The following DPP10 variants were observed in gnomAD, a reference collection of about 807,000 sequenced individuals.
DPP10 encodes the protein dipeptidyl peptidase like 10.
Under a neutral mutation model 120.9 loss-of-function variants are expected in DPP10, and 33 were observed. The ratio of observed to expected loss-of-function variants is 0.27; its 90% confidence interval spans 0.21 to 0.37. DPP10 has a LOEUF of 0.37. Among genes scored for constraint, DPP10 ranks in the 10% least tolerant of loss-of-function variants. DPP10 has a pLI of 1.00. For missense variants in DPP10, 816 were observed against 942.8 expected (o/e 0.87, Z 1.76); for synonymous variants, 337 against 326.1 (o/e 1.03, Z -0.36).
In DPP10 at chr2:114,609,927, T is replaced by A. The variant is rs373337865; in HGVS notation, c.60+167089T>A. 3.3e-5 allele frequency among the ~76,000 whole-genome samples: 5 copies of A among 152,276 alleles called. No individual in the cohort carries two copies. The East Asian group carries it at 7.7e-4, about 24-fold the overall frequency. The stretch of plus-strand genomic sequence containing the variant: ...AACCACATCCTTCAATCCCACATCC[T>A]TTGATGCCCTCACCTCTCACGCACA... On this transcript the variant is annotated intron_variant, in intron 1 of 25. Transcript: ENST00000410059.
At chr2:114,933,253 C>T (rs943732446) in intron 1 of DPP10, among the ~76,000 whole-genome samples, 4 of 152,138 alleles carry the variant, frequency 2.6e-5, no homozygotes, top group Admixed American at 2.6e-4. Flanking sequence ...AGGATTTTGA[C>T]CACTTGCCTT....
intron 5 of DPP10, among the ~76,000 whole-genome samples, chr2:115,599,355 T>C (rs2083182515): frequency 6.6e-6 from 1 of 152,112 alleles, no homozygotes; most frequent in South Asian, 2.1e-4. Context: ...CCCTGTTAGG[T>C]TGGTTAGAAT....
At chr2:114,841,683 C>T (rs1688170224) in intron 1 of DPP10, among the ~76,000 whole-genome samples, 1 of 152,002 alleles carries the variant, frequency 6.6e-6, no homozygotes, top group African/African-American at 2.4e-5. Flanking sequence ...TTATGGTAGA[C>T]AGATCTACCA....
intron 5 of DPP10, among the ~76,000 whole-genome samples, chr2:115,564,232 CT>C (rs11333808): frequency 0.18 from 20,254 of 112,738 alleles, 1,964 homozygotes; most frequent in African/African-American, 0.35. Flanking sequence ...TTGATCATGT[CT>C]TTTTTTTTTT....
At chr2:115,767,507 A>AGT (rs1455084881) in intron 12 of DPP10, among the ~76,000 whole-genome samples, 3 of 145,048 alleles carry the variant, frequency 2.1e-5, no homozygotes, top group Admixed American at 7.4e-5. Flanking sequence ...ATATACACAT[A>AGT]GTGTGTGTGT....
At chr2:115,694,965 A>G (rs945981769) in intron 7 of DPP10, among the ~76,000 whole-genome samples, 1 of 152,168 alleles carries the variant, frequency 6.6e-6, no homozygotes, top group Non-Finnish European at 1.5e-5. Flanking sequence ...TCATTATGAA[A>G]TTGCAGATAT....
Position 115,585,922 on chromosome 2 carries a change from G to A in DPP10, c.441+59950G>A, listed in dbSNP as rs112312364. ...TAGCAATGTATAAAGATACCTTTAA[G>A]CTTTCTTACAATCACATAATAATCC... On this transcript the variant is annotated intron_variant, in intron 5 of 25. Coordinates refer to ENST00000410059, the MANE Select transcript of DPP10 (RefSeq NM_020868.6). 3.2e-3 allele frequency among the ~76,000 whole-genome samples: 483 copies of A among 152,196 alleles called. 2 individuals are homozygous for A. The highest frequency in any genetic ancestry group is 0.011 in the African/African-American group (458 of 41,514).
chr2:115,561,545 G>A (rs2080675993), intron 5 of DPP10, among the ~76,000 whole-genome samples: 1 of 151,976 alleles, frequency 6.6e-6, no homozygotes, highest in South Asian at 2.1e-4. Flanking sequence ...TTTTCAAAAT[G>A]TACTTTAGCA....
intron 1 of DPP10, among the ~76,000 whole-genome samples, chr2:115,293,669 A>G (rs2060757883): frequency 6.6e-6 from 1 of 152,058 alleles, no homozygotes; most frequent in Non-Finnish European, 1.5e-5. Context: ...ACAGTAATGT[A>G]CCCTGTAAGT....
intron 3 of DPP10, among the ~76,000 whole-genome samples, chr2:115,401,610 G>A (rs572204840): frequency 6.1e-4 from 93 of 152,060 alleles, no homozygotes; most frequent in Non-Finnish European, 6.0e-4. Context: ...ATAAATAGAC[G>A]CAGGGCAGTA....
At chr2:115,341,491 T>A (rs539427999) in intron 2 of DPP10, among the ~76,000 whole-genome samples, 1 of 152,268 alleles carries the variant, frequency 6.6e-6, no homozygotes, top group Non-Finnish European at 1.5e-5. Flanking sequence ...TTGGATTCAC[T>A]TTCCAGTGGA....
chr2:115,690,067 C>A, intron 7 of DPP10, 146 bp downstream of exon 7: 3 of 675,854 alleles, frequency 4.4e-6, no homozygotes, highest in South Asian at 4.5e-5. Context: ...ATCTAATAGT[C>A]CAACTTAAGA....
intron 3 of DPP10, among the ~76,000 whole-genome samples, chr2:115,370,433 T>C (rs77524293): frequency 0.01 from 1,565 of 152,072 alleles, 23 homozygotes; most frequent in African/African-American, 0.036. Flanking sequence ...TGTAGAGAAG[T>C]AGAAAATAAG....
At chr2:114,631,014 A>G (rs893425114) in intron 1 of DPP10, among the ~76,000 whole-genome samples, 1 of 152,182 alleles carries the variant, frequency 6.6e-6, no homozygotes, top group Non-Finnish European at 1.5e-5. Flanking sequence ...ATGGCTGGCC[A>G]GTTATTCTCA....
At chr2:114,624,336 G>T (rs932769712) in intron 1 of DPP10, among the ~76,000 whole-genome samples, 1 of 151,856 alleles carries the variant, frequency 6.6e-6, no homozygotes, top group Non-Finnish European at 1.5e-5. Context: ...GATTTGAAAG[G>T]GTACTGGAAT....
At chr2:114,483,179 T>C (rs1681211594) in intron 1 of DPP10, among the ~76,000 whole-genome samples, 1 of 152,112 alleles carries the variant, frequency 6.6e-6, no homozygotes, top group Non-Finnish European at 1.5e-5. Flanking sequence ...AATAATTAAC[T>C]GGAAATTAGT....
chr2:114,660,704 T>C (rs1039800551), intron 1 of DPP10, among the ~76,000 whole-genome samples: 1 of 152,206 alleles, frequency 6.6e-6, no homozygotes, highest in Non-Finnish European at 1.5e-5. Flanking sequence ...AATGACTTAA[T>C]AGATGAATAA....
chr2:115,690,528 T>A (rs943590103), intron 7 of DPP10, among the ~76,000 whole-genome samples: 1 of 152,186 alleles, frequency 6.6e-6, no homozygotes, highest in Non-Finnish European at 1.5e-5. Context: ...TTCTTGTGCT[T>A]CAGCCTCCTG....
In DPP10 at chr2:115,807,029, C is replaced by T. The variant is rs145930599; in HGVS notation, c.1701-7764C>T. On this transcript the variant is annotated intron_variant, in intron 19 of 25. Transcript: ENST00000410059. ...TTAACCATGAATAATTTAGGTATGACCCTTTCTAAGTGCAAGAGAATAGAT... is the reference window on the plus strand; with the variant it reads ...TTAACCATGAATAATTTAGGTATGATCCTTTCTAAGTGCAAGAGAATAGAT... Among the ~76,000 whole-genome samples, 85 of 152,226 alleles carry T rather than the reference C, an allele frequency of 5.6e-4. 2 individuals carry two copies. The highest frequency in any genetic ancestry group is 2.0e-3 in the African/African-American group (82 of 41,544).
Sources: gnomAD v4.1 joint callset for allele counts (sites outside exome capture counted in the v4.1 genomes callset) on GRCh38, gnomAD v4.1.1 for gene constraint, MANE v1.5 for transcripts, NCBI Gene and HGNC (gene_info 2026-07-23, HGNC 2026-07-21) for gene names.